Variants in SV2C observed in about 807,000 individuals in gnomAD.
The protein encoded by SV2C is synaptic vesicle glycoprotein 2C.
Under a neutral mutation model 79.7 loss-of-function variants are expected in SV2C, and 49 were observed. That is an observed-to-expected ratio of 0.61 (90% CI 0.49 to 0.78). The LOEUF is 0.78. Among genes scored for constraint, SV2C ranks in the 30% least tolerant of loss-of-function variants. The pLI, the probability that SV2C is intolerant of heterozygous loss-of-function variation, is 0.00. For synonymous variants in SV2C, 334 were observed against 333.2 expected (o/e 1.00, Z -0.03); for missense variants, 833 against 912.9 (o/e 0.91, Z 1.13).
At position 76,301,510 on chromosome 5, in the gene SV2C, C is replaced by T. The variant is rs371522099; in HGVS notation, c.1965C>T (p.Asp655=). ...CCATCTCAGCCTGGAACTCTCTTGA[C>T]GTGGTCACTGTGGAACTGTACCCCA... ...GLTISAWNSL[D]VVTVELYPTD... The change falls in exon 12 of 13, where the codon GAC becomes GAT. Residue 655 remains aspartate, a synonymous_variant. Coordinates refer to ENST00000502798, the MANE Select transcript of SV2C (RefSeq NM_014979.4). 4.0e-5 allele frequency: 64 copies of T among 1,613,892 alleles called. 1 individual carries two copies. In the Middle Eastern group the frequency reaches 5.0e-4, roughly 13 times the overall value.
At chr5:76,234,128 G>A (rs1745534629) in intron 4 of SV2C, among the ~76,000 whole-genome samples, 1 of 152,148 alleles carries the variant, frequency 6.6e-6, no homozygotes, top group Non-Finnish European at 1.5e-5. Flanking sequence ...GAGCATATCA[G>A]TTTATAGTAT....
At chr5:76,136,261 G>C (rs1196603571) in intron 2 of SV2C, among the ~76,000 whole-genome samples, 1 of 152,206 alleles carries the variant, frequency 6.6e-6, no homozygotes, top group Non-Finnish European at 1.5e-5. Context: ...GTATGCATTG[G>C]TAGTTTTCAG....
At chr5:76,248,647 C>G (rs995646595) in intron 4 of SV2C, among the ~76,000 whole-genome samples, 38 of 151,248 alleles carry the variant, frequency 2.5e-4, no homozygotes, top group African/African-American at 9.2e-4. Flanking sequence ...TTGAGACGGC[C>G]TTGCTCTGTC....
chr5:76,137,626 C>A (rs16873227), intron 2 of SV2C, among the ~76,000 whole-genome samples: 1 of 152,086 alleles, frequency 6.6e-6, no homozygotes, highest in African/African-American at 2.4e-5. Flanking sequence ...GAGAGTCTTT[C>A]GGCCCCAAAA....
At chr5:76,247,060 G>T (rs1055981009) in intron 4 of SV2C, among the ~76,000 whole-genome samples, 1 of 152,158 alleles carries the variant, frequency 6.6e-6, no homozygotes, top group Admixed American at 6.5e-5. Context: ...GACCTTTACA[G>T]AATGGAAATT....
chr5:75,938,048 A>T, the SV2C span, among the ~76,000 whole-genome samples: 1 of 152,176 alleles, frequency 6.6e-6, no homozygotes, highest in East Asian at 1.9e-4. Flanking sequence ...TGAATAACAG[A>T]TGTGTAATAC....
chr5:76,018,379 T>C, the SV2C span, among the ~76,000 whole-genome samples: 3 of 152,190 alleles, frequency 2.0e-5, no homozygotes, highest in Non-Finnish European at 4.4e-5. Flanking sequence ...CGGGCCTTTG[T>C]TTTCCTTCTA....
intron 2 of SV2C, among the ~76,000 whole-genome samples, chr5:76,148,030 T>C (rs1234780554): frequency 6.6e-6 from 1 of 152,194 alleles, no homozygotes; most frequent in Non-Finnish European, 1.5e-5. Flanking sequence ...TGGTTTAGGA[T>C]GCTAAATAAA....
At chr5:76,180,105 A>G (rs1279189608) in intron 2 of SV2C, among the ~76,000 whole-genome samples, 1 of 152,204 alleles carries the variant, frequency 6.6e-6, no homozygotes, top group Admixed American at 6.5e-5. Context: ...CTAGAAATGC[A>G]CGGACTTAAG....
intron 12 of SV2C, among the ~76,000 whole-genome samples, chr5:76,346,912 T>C (rs560357579): frequency 3.3e-5 from 5 of 152,240 alleles, no homozygotes; most frequent in Non-Finnish European, 7.3e-5. Context: ...TGGCTTGTGC[T>C]GTCTCCGCTA....
chr5:76,212,469 C>CT (rs1179867118), intron 4 of SV2C, among the ~76,000 whole-genome samples: 2,141 of 143,814 alleles, frequency 0.015, 32 homozygotes, highest in African/African-American at 0.039. Flanking sequence ...CTCTCTTTTT[C>CT]TTTTTTTTTT....
At chr5:76,016,251 T>C in the SV2C span, among the ~76,000 whole-genome samples, 2 of 16,878 alleles carry the variant, frequency 1.2e-4, no homozygotes, top group African/African-American at 4.4e-4. Context: ...TTTTTTAATT[T>C]TCTAAAAAAA....
At chr5:76,053,053 T>G in the SV2C span, among the ~76,000 whole-genome samples, 1 of 151,976 alleles carries the variant, frequency 6.6e-6, no homozygotes, top group Non-Finnish European at 1.5e-5. Flanking sequence ...ACACTCCGTA[T>G]TCTGGCTTAG....
chr5:75,881,938 C>A, the SV2C span, among the ~76,000 whole-genome samples: 1 of 147,940 alleles, frequency 6.8e-6, no homozygotes, highest in Admixed American at 6.7e-5. Context: ...GTGGGTTTGT[C>A]ATAGATAGCT....
chr5:75,970,004 TC>T, the SV2C span, among the ~76,000 whole-genome samples: 1 of 152,098 alleles, frequency 6.6e-6, no homozygotes, highest in East Asian at 1.9e-4. Flanking sequence ...AAACTAGAAC[TC>T]AGGATTAAGA....
At chr5:76,308,049 T>C (rs1748266478) in intron 12 of SV2C, among the ~76,000 whole-genome samples, 1 of 152,228 alleles carries the variant, frequency 6.6e-6, no homozygotes, top group South Asian at 2.1e-4. Context: ...CTTTTTTCAT[T>C]CTGTTTGAAA....
At chr5:75,871,169 A>G in the SV2C span, among the ~76,000 whole-genome samples, 1 of 152,224 alleles carries the variant, frequency 6.6e-6, no homozygotes, top group Non-Finnish European at 1.5e-5. Flanking sequence ...TAGATGCAAA[A>G]AAGACATTTC....
intron 2 of SV2C, among the ~76,000 whole-genome samples, chr5:76,183,947 C>G (rs898016040): frequency 6.6e-6 from 1 of 152,130 alleles, no homozygotes; most frequent in African/African-American, 2.4e-5. Flanking sequence ...ATGTACTCAC[C>G]TTAATTATAG....
At chr5:76,099,919 G>GAGTTGTGGTTA (rs1747681845) in intron 1 of SV2C, among the ~76,000 whole-genome samples, 1 of 152,194 alleles carries the variant, frequency 6.6e-6, no homozygotes, top group African/African-American at 2.4e-5. Flanking sequence ...GTAACACTGA[G>GAGTTGTGGTTA]AGTTGTGGTT....
Sources: allele counts gnomAD v4.1 joint callset (sites outside exome capture counted in the v4.1 genomes callset), GRCh38; gene constraint gnomAD v4.1.1; transcripts MANE v1.5; gene names NCBI Gene and HGNC (gene_info 2026-07-23, HGNC 2026-07-21).